RRP1B: variants seen among roughly 807,000 people sequenced by gnomAD.
RRP1B encodes ribosomal RNA processing protein 1 homolog B.
In RRP1B, 56 loss-of-function variants were observed where a neutral mutation model predicts 80.2. The observed-to-expected ratio is 0.70, with a 90% CI of 0.56 to 0.87. The LOEUF is 0.87. Ranked by LOEUF, RRP1B falls within the 40% of genes least tolerant of loss-of-function variation. RRP1B has a pLI of 0.00. For synonymous variants in RRP1B, 351 were observed against 357.6 expected (o/e 0.98, Z 0.21); for missense variants, 807 against 939.8 (o/e 0.86, Z 1.85).
At chr21:43,682,684 T>C (rs2083048276) in intron 8 of RRP1B, among the ~76,000 whole-genome samples, 1 of 152,220 alleles carries the variant, frequency 6.6e-6, no homozygotes, top group Non-Finnish European at 1.5e-5. Context: ...CACCGCAGCC[T>C]TCGTCCTAAC....
Position 43,691,642 on chromosome 21 carries a change from T to G in RRP1B, c.2083+140T>G. On this transcript the variant is annotated intron_variant, in intron 15 of 15. Coordinates refer to ENST00000340648, the MANE Select transcript of RRP1B (RefSeq NM_015056.3). The surrounding 1 kb of genome is among the most constrained non-coding windows in gnomAD (Gnocchi z 4.2). Reference sequence around the variant, plus strand: ...CTGCCCATTTCTTTATTTTTATTTTTTTTTTTTTTTTGAGACAGAGTCTCG... The same window carrying G: ...CTGCCCATTTCTTTATTTTTATTTTGTTTTTTTTTTTGAGACAGAGTCTCG... 1 of 610,598 alleles carries G rather than the reference T, an allele frequency of 1.6e-6. No homozygotes were observed. The highest frequency in any genetic ancestry group is 2.1e-5 in the South Asian group (1 of 46,512). The allele number at this position is 610,598 out of a possible 1,614,324, so 37.8% of individuals were successfully genotyped here.
At chr21:43,661,542 T>G (rs2082957598) in intron 1 of RRP1B, among the ~76,000 whole-genome samples, 1 of 152,170 alleles carries the variant, frequency 6.6e-6, no homozygotes, top group African/African-American at 2.4e-5. Context: ...CACCTCCTGA[T>G]GACATAAATT....
At chr21:43,665,427 G>A (rs1271986181) in intron 1 of RRP1B, among the ~76,000 whole-genome samples, 4 of 152,238 alleles carry the variant, frequency 2.6e-5, no homozygotes, top group Non-Finnish European at 4.4e-5. Flanking sequence ...AGACAAGCTT[G>A]TGATTATATC....
intron 8 of RRP1B, among the ~76,000 whole-genome samples, chr21:43,678,740 T>C (rs1258040095): frequency 6.6e-6 from 1 of 152,242 alleles, no homozygotes; most frequent in Non-Finnish European, 1.5e-5. Context: ...CTGCTGATTA[T>C]TTCTTTTGCT....
intron 9 of RRP1B, 123 bp downstream of exon 9, chr21:43,683,496 C>G (rs1218281044): frequency 1.5e-6 from 1 of 654,086 alleles, no homozygotes; most frequent in Admixed American, 2.9e-5. Flanking sequence ...TTAATCCCTT[C>G]AGTCACTAAA....
rs577330286 is a variant in RRP1B, at chr21:43,668,400, G to A, written c.131-1484G>A. Among the ~76,000 whole-genome samples the A allele has an allele frequency of 5.6e-5, 8 of 142,974 alleles. No homozygotes were observed. In the East Asian group the frequency reaches 1.0e-3, roughly 19 times the overall value. The allele number at this position is 142,974 out of a possible 152,430, so 93.8% of individuals were successfully genotyped here. A position where few individuals can be genotyped will look rare whatever the true frequency, so the allele number is the denominator to read the frequency against. ...TTAAGAGACGGACTCTCGCTCTGTC[G>A]CCCAGGCTGGAGTGCAGTGGCGCAA... On this transcript the variant is annotated intron_variant, in intron 1 of 15. Coordinates refer to ENST00000340648, the MANE Select transcript of RRP1B (RefSeq NM_015056.3).
intron 8 of RRP1B, among the ~76,000 whole-genome samples, chr21:43,679,918 G>A (rs1156582173): frequency 1.3e-5 from 2 of 152,078 alleles, no homozygotes; most frequent in Non-Finnish European, 2.9e-5. Context: ...GTTTTTTGTT[G>A]TCATTGTTGT....
chr21:43,671,988 G>A (rs1311360214), intron 2 of RRP1B, among the ~76,000 whole-genome samples: 1 of 152,164 alleles, frequency 6.6e-6, no homozygotes, highest in African/African-American at 2.4e-5. Flanking sequence ...CACGTGGCCA[G>A]ATATAGTTAT....
intron 8 of RRP1B, among the ~76,000 whole-genome samples, chr21:43,682,269 AGTTCCGGAC>A (rs2083046433): frequency 6.6e-6 from 1 of 152,184 alleles, no homozygotes; most frequent in African/African-American, 2.4e-5. Context: ...TTCCAAGTGC[AGTTCCGGAC>A]GTTCCCTCCC....
chr21:43,680,963 G>T lies in RRP1B; in HGVS notation c.797-2316G>T, dbSNP rs187512657. On this transcript the variant is annotated intron_variant, in intron 8 of 15. Transcript: ENST00000340648. ...TATTTAATCAGAAAAAATCAAGCCG[G>T]TTGCAGTGGCTCATGCCTATAATCC... 1.2e-4 allele frequency among the ~76,000 whole-genome samples: 19 copies of T among 152,284 alleles called. 1 individual carries two copies. In the East Asian group the frequency reaches 3.7e-3, roughly 29 times the overall value.
intron 8 of RRP1B, among the ~76,000 whole-genome samples, chr21:43,679,768 T>C (rs1000275442): frequency 1.3e-5 from 2 of 152,210 alleles, no homozygotes; most frequent in African/African-American, 4.8e-5. Flanking sequence ...TCCGTGAGCA[T>C]GGGATGTGCT....
At chr21:43,687,230 T>C (rs1348747701) in intron 12 of RRP1B, among the ~76,000 whole-genome samples, 2 of 152,182 alleles carry the variant, frequency 1.3e-5, no homozygotes, top group East Asian at 3.9e-4. Flanking sequence ...TCGAGATCTA[T>C]GGTTTTTACC....
intron 8 of RRP1B, among the ~76,000 whole-genome samples, chr21:43,678,196 G>A (rs1016313238): frequency 1.3e-5 from 2 of 151,806 alleles, no homozygotes; most frequent in African/African-American, 2.4e-5. Context: ...TTTGCTTCTT[G>A]TCACCCAGGC....
intron 8 of RRP1B, among the ~76,000 whole-genome samples, chr21:43,681,302 A>G (rs554707172): frequency 7.0e-6 from 1 of 143,872 alleles, no homozygotes; most frequent in Non-Finnish European, 1.5e-5. Context: ...ATAGATAGAT[A>G]GAATCAAGAA....
intron 4 of RRP1B, 81 bp from the exon 5 acceptor site, chr21:43,674,555 C>G: frequency 9.7e-7 from 1 of 1,036,060 alleles, no homozygotes; most frequent in East Asian, 2.8e-5. Flanking sequence ...TCCCTTCATT[C>G]TGCTGAGCTG....
chr21:43,659,670 C>G lies in RRP1B; in HGVS notation c.6C>G (p.Ala2=). The G allele has an allele frequency of 6.6e-7, 1 of 1,510,646 alleles. No individual in the cohort carries two copies. Among genetic ancestry groups the G allele is most frequent in the Non-Finnish European group, 8.9e-7 (1 of 1,128,786 alleles). 93.6% of individuals were successfully genotyped at this position (1,510,646 alleles called of 1,614,324 possible). A position where few individuals can be genotyped will look rare whatever the true frequency, so the allele number is the denominator to read the frequency against. M[A]PAMQPAEIQF... ...GGGATGCTCCAGCGGGCGCGATGGC[C>G]CCCGCCATGCAGCCGGCCGAGATCC... The change falls in exon 1 of 16, where the codon GCC becomes GCG. Residue 2 remains alanine (A), a synonymous_variant. Transcript: ENST00000340648. The surrounding 1 kb of genome is among the most constrained non-coding windows in gnomAD (Gnocchi z 4.2).
At chr21:43,678,231 T>C (rs2083029816) in intron 8 of RRP1B, among the ~76,000 whole-genome samples, 1 of 152,056 alleles carries the variant, frequency 6.6e-6, no homozygotes, top group Non-Finnish European at 1.5e-5. Flanking sequence ...GCCATCTCAG[T>C]TCACTGCAGC....
At position 43,690,939 on chromosome 21, in the gene RRP1B, C is replaced by G. The variant is rs992031200; in HGVS notation, c.2019+499C>G. 3.3e-5 allele frequency among the ~76,000 whole-genome samples: 5 copies of G among 152,184 alleles called. No homozygotes were observed. The East Asian group carries it at 9.6e-4, about 29-fold the overall frequency. ...GCACAAAAAGCTGGAAACTGTGTGT[C>G]CATTGTCCATTGCAGTGAGATTCCA... On this transcript the variant is annotated intron_variant, in intron 14 of 15. Coordinates refer to ENST00000340648, the MANE Select transcript of RRP1B (RefSeq NM_015056.3).
rs766205311 is a variant in RRP1B, at chr21:43,676,349, C to G, written c.614+13C>G. On this transcript the variant is annotated intron_variant, in intron 7 of 15. Transcript: ENST00000340648. ...CGAAGACGAAGGAGTAAGTGATTCC[C>G]CTGTTCGTTCCTCCTGCTCCGTGGC... 6.3e-7 allele frequency: 1 copy of G among 1,594,804 alleles called. No individual in the cohort carries two copies. Among genetic ancestry groups the G allele is most frequent in the African/African-American group, 1.3e-5 (1 of 74,582 alleles).
Sources: allele counts gnomAD v4.1 joint callset (sites outside exome capture counted in the v4.1 genomes callset), GRCh38; gene constraint gnomAD v4.1.1; non-coding constraint Gnocchi (gnomAD v3.1); transcripts MANE v1.5; gene names NCBI Gene and HGNC (gene_info 2026-07-23, HGNC 2026-07-21).